The following MIB1 variants were observed in gnomAD, a reference collection of about 807,000 sequenced individuals.
MIB1 encodes the protein E3 ubiquitin-protein ligase MIB1.
A neutral mutation model predicts 124.5 loss-of-function variants in MIB1; 278 were observed. The observed-to-expected ratio is 2.23, with a 90% CI of 2.02 to 2.47. MIB1 has a LOEUF of 2.47. Ranked by LOEUF, MIB1 falls within the 30% of genes most tolerant of loss-of-function variation. The probability of loss-of-function intolerance (pLI) is 0.00; values close to 1 mark genes in which losing one functional copy is unlikely to be tolerated. For missense variants in MIB1, 957 were observed against 1,254.4 expected, an observed-to-expected ratio of 0.76 and a Z score of 3.58; for synonymous variants, 446 against 429.4, an observed-to-expected ratio of 1.04 and a Z score of -0.48.
chr18:21,797,534 A>G lies in MIB1; in HGVS notation c.1093-550A>G, dbSNP rs566011181. Among the ~76,000 whole-genome samples the G allele has an allele frequency of 4.6e-5, 7 of 152,242 alleles. No homozygotes were observed. In the South Asian group the frequency reaches 1.2e-3, roughly 27 times the overall value. ...AAAGTGGGTTGAATTTTCAACGAAG[A>G]AGAGTGAAAACCTATGGAATAAAAT... is the stretch of plus-strand genomic sequence containing the variant. On this transcript the variant is annotated intron_variant, in intron 7 of 20. Transcript: ENST00000261537.
At chr18:21,784,773 T>G (rs1425047283) in intron 6 of MIB1, among the ~76,000 whole-genome samples, 1 of 152,102 alleles carries the variant, frequency 6.6e-6, no homozygotes, top group Non-Finnish European at 1.5e-5. Flanking sequence ...GTAACGCCAG[T>G]GCCTGGGAAG....
chr18:21,779,383 C>G (rs763044396), intron 5 of MIB1, 98 bp from the exon 6 acceptor site: 54 of 963,308 alleles, frequency 5.6e-5, no homozygotes, highest in Non-Finnish European at 8.4e-5. Context: ...TAGATGGTAC[C>G]TGAAACTAAA....
At chr18:21,796,972 T>G (rs939119657) in intron 7 of MIB1, among the ~76,000 whole-genome samples, 2 of 152,164 alleles carry the variant, frequency 1.3e-5, no homozygotes, top group Non-Finnish European at 2.9e-5. Context: ...AAGAAAAACA[T>G]GTACTTGTGG....
At chr18:21,824,320 A>G (rs28650010) in intron 12 of MIB1, among the ~76,000 whole-genome samples, 1,888 of 152,250 alleles carry the variant, frequency 0.012, 40 homozygotes, top group African/African-American at 0.039. Flanking sequence ...AGCAACTCAT[A>G]GTTTTCCTTC....
At chr18:21,772,988 G>A (rs2041239587) in intron 3 of MIB1, among the ~76,000 whole-genome samples, 2 of 152,198 alleles carry the variant, frequency 1.3e-5, no homozygotes, top group Admixed American at 6.5e-5. Context: ...TGTTCTTGCC[G>A]GGCGTAGTGG....
rs764502491 is a variant in MIB1 at position 21,799,977 on chromosome 18, G to C, written c.1371+3G>C. 5 of 1,607,596 alleles carry C rather than the reference G, an allele frequency of 3.1e-6. No individual in the cohort carries two copies. Among genetic ancestry groups the C allele is most frequent in the Non-Finnish European group, 8.5e-7 (1 of 1,176,164 alleles). ...TGCTTAAAAGACCAGATGTGGATGTGAGCATTTTAAAAATTATTTTGAAGC... is the reference window on the plus strand; with the variant it reads ...TGCTTAAAAGACCAGATGTGGATGTCAGCATTTTAAAAATTATTTTGAAGC... On this transcript the variant is annotated splice_donor_region_variant and intron_variant, in intron 9 of 20. Coordinates refer to ENST00000261537, the MANE Select transcript of MIB1 (RefSeq NM_020774.4).
intron 7 of MIB1, among the ~76,000 whole-genome samples, chr18:21,796,439 T>C (rs2041581574): frequency 6.6e-6 from 1 of 152,070 alleles, no homozygotes; most frequent in Non-Finnish European, 1.5e-5. Flanking sequence ...ATATCTAATA[T>C]AATGCATGCG....
chr18:21,853,224 T>C lies in MIB1; in HGVS notation c.2665+6T>C, dbSNP rs768052688. The C allele has an allele frequency of 5.7e-6, 9 of 1,592,448 alleles. No individual in the cohort carries two copies. Among genetic ancestry groups the C allele is most frequent in the Admixed American group, 3.3e-5 (2 of 59,924 alleles). On this transcript the variant is annotated splice_donor_region_variant and intron_variant, in intron 18 of 20. Transcript: ENST00000261537. ...CCACATGTGTGCTTGTGAGAGTAAG[T>C]AGCCTATGCAGAGTTCCTCAATATT...
At chr18:21,724,741 TATATATATATATATATATATATATATA>T in intron 1 of MIB1, among the ~76,000 whole-genome samples, 1 of 73,052 alleles carries the variant, frequency 1.4e-5, no homozygotes, top group South Asian at 4.8e-4. Context: ...TATATATATA[TATATATATATATATATATATATATATA>T]TATATTAGTC....
chr18:21,779,451 C>G (rs373463795), intron 5 of MIB1, 30 bp from the exon 6 acceptor site: 4 of 1,587,132 alleles, frequency 2.5e-6, no homozygotes, highest in East Asian at 2.2e-5. Context: ...GTTTTTTTCT[C>G]CCTTTATTCA....
At chr18:21,809,232 A>G (rs769859251) in intron 10 of MIB1, among the ~76,000 whole-genome samples, 18 of 152,148 alleles carry the variant, frequency 1.2e-4, no homozygotes, top group Non-Finnish European at 2.5e-4. Context: ...GGAAACCTGA[A>G]TAAACCTATA....
At chr18:21,784,801 G>T (rs985037368) in intron 6 of MIB1, among the ~76,000 whole-genome samples, 19 of 152,224 alleles carry the variant, frequency 1.2e-4, no homozygotes, top group African/African-American at 4.6e-4. Flanking sequence ...TTACTTAGCA[G>T]ACCGGGAAAG....
intron 9 of MIB1, among the ~76,000 whole-genome samples, chr18:21,803,169 A>G (rs1464517343): frequency 6.6e-6 from 1 of 152,022 alleles, no homozygotes; most frequent in African/African-American, 2.4e-5. Context: ...CTTTATCTTT[A>G]TGGATTTTTA....
At chr18:21,803,654 C>G (rs1568208691) in intron 9 of MIB1, 1 of 301,326 alleles carries the variant, frequency 3.3e-6, no homozygotes, top group African/African-American at 2.2e-5. Flanking sequence ...TCCCTTCTTT[C>G]AACTTTGCAG....
rs144433080 is a variant in MIB1, at chr18:21,734,348, A to G, written n.167+29225A>G. Among the ~76,000 whole-genome samples, 916 of 151,670 alleles carry G rather than the reference A, an allele frequency of 6.0e-3. 18 individuals carry two copies. The highest frequency in any genetic ancestry group is 0.021 in the African/African-American group (882 of 41,362). On this transcript the variant is annotated intron_variant and non_coding_transcript_variant, in intron 1 of 20. Coordinates refer to the MIB1 transcript ENST00000578646. Reference sequence around the variant, plus strand: ...TCTCAATCTCCTGACCTCGTGATCCACCAACCTCAGCCTCCCAAAGTGCTG... The same window carrying G: ...TCTCAATCTCCTGACCTCGTGATCCGCCAACCTCAGCCTCCCAAAGTGCTG...
At position 21,864,696 on chromosome 18, in the gene MIB1, A is replaced by G. The variant is rs990886841; in HGVS notation, c.*30A>G. The G allele has an allele frequency of 1.9e-6, 3 of 1,585,328 alleles. No homozygotes were observed. Among genetic ancestry groups the G allele is most frequent in the Non-Finnish European group, 2.6e-6 (3 of 1,156,830 alleles). On this transcript the variant is annotated 3_prime_UTR_variant, in exon 21 of 21. Coordinates refer to ENST00000261537, the MANE Select transcript of MIB1 (RefSeq NM_020774.4). ...GACACATGGTGTATTTTGTTAGCTA[A>G]TGTATCTAGTCATGAGATCTTAATA...
intron 5 of MIB1, among the ~76,000 whole-genome samples, chr18:21,778,527 T>C (rs2041319107): frequency 6.6e-6 from 1 of 152,186 alleles, no homozygotes; most frequent in Non-Finnish European, 1.5e-5. Flanking sequence ...CCTTAGAATT[T>C]TTGTCAAATT....
intron 9 of MIB1, among the ~76,000 whole-genome samples, chr18:21,800,244 G>T (rs1342543566): frequency 6.6e-6 from 1 of 151,744 alleles, no homozygotes; most frequent in Non-Finnish European, 1.5e-5. Flanking sequence ...GGGAAATTCA[G>T]CGATTTTTTT....
chr18:21,752,257 T>TA (rs1159349868), intron 1 of MIB1, among the ~76,000 whole-genome samples: 1 of 152,202 alleles, frequency 6.6e-6, no homozygotes, highest in African/African-American at 2.4e-5. Flanking sequence ...GCAGAAGATG[T>TA]GACATTGTCA....
Sources: gnomAD v4.1 joint callset for allele counts (sites outside exome capture counted in the v4.1 genomes callset) on GRCh38, gnomAD v4.1.1 for gene constraint, MANE v1.5 for transcripts, NCBI Gene and HGNC (gene_info 2026-07-23, HGNC 2026-07-21) for gene names.